The following MAP3K1 variants were observed in gnomAD, a reference collection of about 807,000 sequenced individuals.
MAP3K1 encodes the protein mitogen-activated protein kinase kinase kinase 1, also known as MAP/ERK kinase kinase 1.
MAP3K1 carries 36 observed loss-of-function variants against 144.2 expected under a neutral mutation model. The ratio of observed to expected loss-of-function variants is 0.25; its 90% CI spans 0.19 to 0.33. The LOEUF (loss-of-function observed/expected upper bound fraction) is 0.33, where lower values mean the gene tolerates loss of function less well. Among genes scored for constraint, MAP3K1 ranks in the 10% least tolerant of loss-of-function variants. MAP3K1 has a pLI of 1.00. For synonymous variants in MAP3K1, 718 were observed against 688.7 expected (o/e 1.04, Z -0.67); for missense variants, 1,650 against 1,881.9 (o/e 0.88, Z 2.28).
At chr5:56,855,325 T>C (rs1747308829) in intron 1 of MAP3K1, among the ~76,000 whole-genome samples, 2 of 152,292 alleles carry the variant, frequency 1.3e-5, no homozygotes, top group Middle Eastern at 3.4e-3. Context: ...AAGTCTCATA[T>C]TGCTTCTATA....
At chr5:56,873,747 C>A (rs1050426996) in intron 9 of MAP3K1, among the ~76,000 whole-genome samples, 1 of 152,118 alleles carries the variant, frequency 6.6e-6, no homozygotes, top group East Asian at 1.9e-4. Context: ...ACACATTGAG[C>A]TTATATATCA....
chr5:56,887,624 C>T (rs1235187101), intron 18 of MAP3K1, 104 bp downstream of exon 18: 3 of 1,228,008 alleles, frequency 2.4e-6, no homozygotes, highest in South Asian at 2.4e-5. Flanking sequence ...TACTTACCAA[C>T]TAGAAGTCCG....
At chr5:56,866,944 A>G (rs982593955) in intron 6 of MAP3K1, among the ~76,000 whole-genome samples, 2 of 152,220 alleles carry the variant, frequency 1.3e-5, no homozygotes, top group Non-Finnish European at 2.9e-5. Context: ...CCAAGAGGTT[A>G]TGCAGCTCAT....
chr5:56,860,651 G>A (rs900030813), intron 3 of MAP3K1, among the ~76,000 whole-genome samples: 1 of 151,868 alleles, frequency 6.6e-6, no homozygotes, highest in Non-Finnish European at 1.5e-5. Flanking sequence ...TCAGGAGTTC[G>A]AGACCAGCTT....
Position 56,824,812 on chromosome 5 carries a change from A to G in MAP3K1, c.482+8757A>G, listed in dbSNP as rs180788143. Among the ~76,000 whole-genome samples the G allele has an allele frequency of 1.6e-4, 24 of 152,262 alleles. 1 individual carries two copies. Among genetic ancestry groups the G allele is most frequent in the South Asian group, 6.2e-4 (3 of 4,834 alleles). The stretch of plus-strand genomic sequence containing the variant: ...ATGCTGCTTACCGAATGTCTTATCT[A>G]TTATCTGTGTGGAGAAATCTTTTTT... On this transcript the variant is annotated intron_variant, in intron 1 of 19. Transcript: ENST00000399503.
intron 18 of MAP3K1, chr5:56,887,878 A>G: frequency 2.3e-6 from 1 of 432,870 alleles, no homozygotes; most frequent in Non-Finnish European, 4.2e-6. Flanking sequence ...TCCTGTCTGT[A>G]GTGGAAGGAG....
In MAP3K1 at chr5:56,864,714, T is replaced by TAA. The variant is rs201780112; in HGVS notation, c.835-12_835-11dup. ...ATTAAGAAATGAGAAACGTACCTAA[T>TAA]AAAAAAAAATGTTGTGAAGTTTCAG... On this transcript the variant is annotated intron_variant, in intron 3 of 19. Coordinates refer to ENST00000399503, the MANE Select transcript of MAP3K1 (RefSeq NM_005921.2). The TAA allele has an allele frequency of 1.3e-5, 21 of 1,595,934 alleles. No individual in the cohort carries two copies. Among genetic ancestry groups the TAA allele is most frequent in the Middle Eastern group, 3.3e-4 (2 of 6,016 alleles).
intron 14 of MAP3K1, 86 bp from the exon 15 acceptor site, chr5:56,883,441 A>G (rs1748287615): frequency 7.5e-7 from 1 of 1,340,886 alleles, no homozygotes. Context: ...GGGAAGCCAG[A>G]CTGAATAAGA....
chr5:56,837,066 A>G (rs1746677494), intron 1 of MAP3K1, among the ~76,000 whole-genome samples: 1 of 151,932 alleles, frequency 6.6e-6, no homozygotes, highest in Non-Finnish European at 1.5e-5. Flanking sequence ...AGCTAGGAGA[A>G]TCTAGGTGTG....
Position 56,881,989 on chromosome 5 carries a change from G to C in MAP3K1, c.2789G>C (p.Arg930Thr). Residue 930 changes from arginine (R) to threonine (T), a missense_variant, in exon 14 of 20, where the codon AGA becomes ACA. Physicochemically the swap from Arg to Thr is moderately conservative, Grantham distance 71. This residue lies in a region of MAP3K1 where 841 missense variants were observed against 886.5 expected (regional missense o/e 0.95). Transcript: ENST00000399503. The part of the protein sequence containing the change: ...LSASSEDISE[R>T]LASISVGPSS... ...GCCAGTTCAGAGGACATTTCTGAGAGACTGGCCAGCATTTCAGTAGGACCT... is the reference window on the plus strand; with the variant it reads ...GCCAGTTCAGAGGACATTTCTGAGACACTGGCCAGCATTTCAGTAGGACCT... 3 of 1,612,342 alleles carry C rather than the reference G, an allele frequency of 1.9e-6. No individual in the cohort carries two copies. The highest frequency in any genetic ancestry group is 1.7e-6 in the Non-Finnish European group (2 of 1,179,694).
rs1345709141 is a variant in MAP3K1, at chr5:56,893,722, C to G, written c.*42C>G. On this transcript the variant is annotated 3_prime_UTR_variant, in exon 20 of 20. Coordinates refer to ENST00000399503, the MANE Select transcript of MAP3K1 (RefSeq NM_005921.2). ...ACTACAGTAGAAACAGGATGCTCAA[C>G]AAGAGAAAAAAAACTTGTGGGGAAC... 1.2e-6 allele frequency: 2 copies of G among 1,608,890 alleles called. No individual in the cohort carries two copies. The highest frequency in any genetic ancestry group is 8.5e-7 in the Non-Finnish European group (1 of 1,176,844).
At chr5:56,883,413 C>A in intron 14 of MAP3K1, 114 bp from the exon 15 acceptor site, 1 of 945,412 alleles carries the variant, frequency 1.1e-6, no homozygotes, top group Non-Finnish European at 1.7e-6. Context: ...ATTCAGAGGT[C>A]ACATTTATAG....
chr5:56,871,829 G>A, intron 6 of MAP3K1, 81 bp from the exon 7 acceptor site: 1 of 1,313,918 alleles, frequency 7.6e-7, no homozygotes, highest in South Asian at 1.2e-5. Flanking sequence ...TATATTCTAA[G>A]CAAGCAGAAA....
chr5:56,825,916 C>G (rs1159897622), intron 1 of MAP3K1, among the ~76,000 whole-genome samples: 1 of 152,128 alleles, frequency 6.6e-6, no homozygotes, highest in Admixed American at 6.5e-5. Context: ...ATGGTCTGCT[C>G]CCGTCATTTC....
chr5:56,878,155 T>G (rs1309200352), intron 10 of MAP3K1, among the ~76,000 whole-genome samples: 2 of 152,220 alleles, frequency 1.3e-5, no homozygotes, highest in African/African-American at 2.4e-5. Context: ...ACTTTGAGAT[T>G]ATGCAAATAC....
At chr5:56,870,299 C>A (rs1174120736) in intron 6 of MAP3K1, among the ~76,000 whole-genome samples, 1 of 152,122 alleles carries the variant, frequency 6.6e-6, no homozygotes, top group Non-Finnish European at 1.5e-5. Context: ...CTGCCACAAA[C>A]TGATTTTATG....
chr5:56,856,842 C>T (rs1387376099), intron 2 of MAP3K1, 92 bp downstream of exon 2: 119 of 1,355,494 alleles, frequency 8.8e-5, no homozygotes, highest in Non-Finnish European at 1.2e-4. Flanking sequence ...AGCTTTTCTT[C>T]TTCATTTTAA....
At chr5:56,830,552 A>G (rs531977524) in intron 1 of MAP3K1, among the ~76,000 whole-genome samples, 2 of 152,288 alleles carry the variant, frequency 1.3e-5, no homozygotes, top group South Asian at 4.1e-4. Flanking sequence ...GCTATAGAAA[A>G]GTTGCTATAG....
intron 1 of MAP3K1, among the ~76,000 whole-genome samples, chr5:56,847,762 C>T (rs931074412): frequency 2.6e-5 from 4 of 152,090 alleles, no homozygotes; most frequent in African/African-American, 9.7e-5. Context: ...GAATCTTTTC[C>T]TTCACTTAAT....
Sources: allele counts gnomAD v4.1 joint callset (sites outside exome capture counted in the v4.1 genomes callset), GRCh38; gene constraint gnomAD v4.1.1; regional missense constraint gnomAD v4.1.1; transcripts MANE v1.5; gene names NCBI Gene and HGNC (gene_info 2026-07-23, HGNC 2026-07-21).